ACR: variants seen among roughly 807,000 people sequenced by gnomAD.
ACR encodes acrosin light and heavy chain prepropeptide.
In ACR, 17 loss-of-function variants were observed where a neutral mutation model predicts 26.0. The observed-to-expected ratio is 0.65, with a 90% CI of 0.45 to 0.98. ACR has a LOEUF of 0.98. Among genes scored for constraint, ACR ranks in the 50% least tolerant of loss-of-function variants. The pLI, the probability that ACR is intolerant of heterozygous loss-of-function variation, is 0.00. For missense variants in ACR, 435 were observed against 519.3 expected, an observed-to-expected ratio of 0.84 and a Z score of 1.58; for synonymous variants, 199 against 207.7, an observed-to-expected ratio of 0.96 and a Z score of 0.36.
intron 1 of ACR, 95 bp downstream of exon 1, chr22:50,738,407 A>T: frequency 7.8e-7 from 1 of 1,275,858 alleles, no homozygotes. Flanking sequence ...AGGAGGCTGC[A>T]TCCCTAACCT....
At chr22:50,738,697 A>G (rs1019121978) in intron 1 of ACR, among the ~76,000 whole-genome samples, 1 of 151,084 alleles carries the variant, frequency 6.6e-6, no homozygotes, top group Non-Finnish European at 1.5e-5. Context: ...TCTCACTCCA[A>G]GGTACCCCGA....
At position 50,739,223 on chromosome 22, in the gene ACR, C is replaced by A; in HGVS notation, c.78-48C>A. ...CCCCTCAGTTGTGGAGTTACAAGGA[C>A]AGGCTGTGCTCATGCCAGGTTTGAA... is the stretch of plus-strand genomic sequence containing the variant. On this transcript the variant is annotated intron_variant, in intron 1 of 4. Transcript: ENST00000216139. The surrounding 1 kb of genome is among the most constrained non-coding windows in gnomAD (Gnocchi z 5.5). The A allele has an allele frequency of 6.7e-7, 1 of 1,494,640 alleles. No homozygotes were observed. The allele number at this position is 1,494,640 out of a possible 1,614,324, so 92.6% of individuals were successfully genotyped here.
chr22:50,744,539 A>C, intron 4 of ACR, 114 bp from the exon 5 acceptor site: 1 of 1,425,340 alleles, frequency 7.0e-7, no homozygotes, highest in Middle Eastern at 2.6e-4. Context: ...ACTTGTGTTT[A>C]CAGCAGCAGG....
intron 3 of ACR, among the ~76,000 whole-genome samples, chr22:50,741,514 A>G (rs1302002862): frequency 6.7e-6 from 1 of 149,792 alleles, no homozygotes; most frequent in African/African-American, 2.5e-5. Flanking sequence ...CTATTCTATT[A>G]CTCAGACAGA....
At chr22:50,743,768 TC>T (rs1236215204) in intron 3 of ACR, among the ~76,000 whole-genome samples, 1 of 152,126 alleles carries the variant, frequency 6.6e-6, no homozygotes, top group Non-Finnish European at 1.5e-5. Context: ...GCAACTAACC[TC>T]CATAATCCAT....
At chr22:50,740,608 C>G in intron 3 of ACR, 1 of 702,544 alleles carries the variant, frequency 1.4e-6, no homozygotes, top group Non-Finnish European at 2.6e-6. Context: ...TCATAGGCAT[C>G]CCTGTATTTC....
Position 50,739,604 on chromosome 22 carries a change from C to T in ACR, c.282-90C>T. The T allele has an allele frequency of 1.9e-6, 3 of 1,552,084 alleles. No individual in the cohort carries two copies. In the South Asian group the frequency reaches 3.7e-5, roughly 19 times the overall value. On this transcript the variant is annotated intron_variant, in intron 2 of 4. Transcript: ENST00000216139. This position sits in a 1 kb window ranked among gnomAD's most constrained non-coding sequence, Gnocchi z 5.5. ...TGGCTGCAAGACTCCGGGGGCTGGT[C>T]CAGACCTTTGCTAGGGGAAGGCCCT...
intron 3 of ACR, among the ~76,000 whole-genome samples, chr22:50,743,286 C>T (rs111490810): frequency 3.9e-5 from 6 of 152,130 alleles, no homozygotes; most frequent in African/African-American, 9.7e-5. Context: ...CCGCCCGCCT[C>T]GGCCTCCCAA....
In ACR at chr22:50,739,652, T is replaced by C. The variant is rs1451995903; in HGVS notation, c.282-42T>C. On this transcript the variant is annotated intron_variant, in intron 2 of 4. Coordinates refer to ENST00000216139, the MANE Select transcript of ACR (RefSeq NM_001097.3). The surrounding 1 kb of genome is among the most constrained non-coding windows in gnomAD (Gnocchi z 5.5). ...CCTGAGGGTCGCTGTCACCAGGCTT[T>C]TGTCCAGCCGGTTGTGACCTGGCTT... 3 of 1,540,170 alleles carry C rather than the reference T, an allele frequency of 1.9e-6. No individual in the cohort carries two copies. In the African/African-American group the frequency reaches 4.1e-5, roughly 21 times the overall value.
In ACR at chr22:50,739,352, C is replaced by G. The variant is rs759273323; in HGVS notation, c.159C>G (p.Ala53=). The G allele has an allele frequency of 6.2e-7, 1 of 1,612,982 alleles. No individual in the cohort carries two copies. Among genetic ancestry groups the G allele is most frequent in the Non-Finnish European group, 8.5e-7 (1 of 1,179,560 alleles). Residue 53 remains alanine (A), a synonymous_variant, in exon 2 of 5, where the codon GCC becomes GCG. Coordinates refer to ENST00000216139, the MANE Select transcript of ACR (RefSeq NM_001097.3). The surrounding 1 kb of genome is among the most constrained non-coding windows in gnomAD (Gnocchi z 5.5). The stretch of plus-strand genomic sequence containing the variant: ...GCGGGAAGGCTGCACAGCATGGGGC[C>G]TGGCCCTGGATGGTCAGCCTCCAGA... ...IVGGKAAQHG[A]WPWMVSLQIF...
intron 3 of ACR, chr22:50,740,569 G>A: frequency 1.4e-6 from 1 of 702,300 alleles, no homozygotes; most frequent in Non-Finnish European, 2.6e-6. Context: ...CTGGGAAGGG[G>A]ACCGGTGGTT....
At position 50,739,169 on chromosome 22, in the gene ACR, C is replaced by T. The variant is rs1731089172; in HGVS notation, c.78-102C>T. The stretch of plus-strand genomic sequence containing the variant: ...TTTCCCAGAACCCGGAAGCTCTTCC[C>T]CACTTTTCCCAACCCCATGTCCCTG... On this transcript the variant is annotated intron_variant, in intron 1 of 4. Coordinates refer to ENST00000216139, the MANE Select transcript of ACR (RefSeq NM_001097.3). The surrounding 1 kb of genome is among the most constrained non-coding windows in gnomAD (Gnocchi z 5.5). 9.1e-7 allele frequency: 1 copy of T among 1,099,164 alleles called. No individual in the cohort carries two copies. The highest frequency in any genetic ancestry group is 1.3e-6 in the Non-Finnish European group (1 of 754,150). The allele number at this position is 1,099,164 out of a possible 1,614,324, so 68.1% of individuals were successfully genotyped here.
chr22:50,738,794 GTGTGCC>G (rs2083410469), intron 1 of ACR, among the ~76,000 whole-genome samples: 1 of 151,870 alleles, frequency 6.6e-6, no homozygotes, highest in Admixed American at 6.6e-5. Flanking sequence ...ACTGCTCTCA[GTGTGCC>G]CCCTACACCT....
intron 3 of ACR, among the ~76,000 whole-genome samples, chr22:50,743,287 G>A (rs565161170): frequency 3.3e-5 from 5 of 152,166 alleles, no homozygotes; most frequent in South Asian, 2.1e-4. Flanking sequence ...CGCCCGCCTC[G>A]GCCTCCCAAA....
chr22:50,740,786 G>A (rs2083421829), intron 3 of ACR: 4 of 693,606 alleles, frequency 5.8e-6, no homozygotes, highest in Non-Finnish European at 7.9e-6. Context: ...TTCTAGAAGA[G>A]TAGGGGGAAT....
Position 50,739,456 on chromosome 22 carries a change from A to G in ACR, c.263A>G (p.His88Arg), listed in dbSNP as rs763738146. ...TCACGATGGGTGCTCACTGCTGCTC[A>G]CTGCTTCGTCGGCAAAAAGTACGTG... ...LNSRWVLTAA[H>R]CFVGKNNVHD... is the part of the protein sequence containing the mutation. The change falls in exon 2 of 5, where the codon CAC (histidine) becomes CGC (arginine). Residue 88 changes from histidine (H) to arginine (R), a missense_variant. By Grantham distance (29) the His-to-Arg change is conservative. Transcript: ENST00000216139. The surrounding 1 kb of genome is among the most constrained non-coding windows in gnomAD (Gnocchi z 5.5). 21 of 1,613,906 alleles carry G rather than the reference A, an allele frequency of 1.3e-5. No individual in the cohort carries two copies. Among genetic ancestry groups the G allele is most frequent in the Non-Finnish European group, 1.6e-5 (19 of 1,179,962 alleles).
At chr22:50,740,718 G>T in intron 3 of ACR, 1 of 702,450 alleles carries the variant, frequency 1.4e-6, no homozygotes, top group Non-Finnish European at 2.6e-6. Context: ...CTCTCCCCTG[G>T]CTCCCAGAAG....
intron 3 of ACR, chr22:50,740,711 T>C (rs2083421499): frequency 1.4e-6 from 1 of 702,484 alleles, no homozygotes. Context: ...TGTCTCTCTC[T>C]CCCCTGGCTC....
Position 50,739,189 on chromosome 22 carries a change from T to A in ACR, c.78-82T>A, listed in dbSNP as rs887984033. The stretch of plus-strand genomic sequence containing the variant: ...CTTCCCCACTTTTCCCAACCCCATG[T>A]CCCTGCCTCCCCTCAGTTGTGGAGT... On this transcript the variant is annotated intron_variant, in intron 1 of 4. Coordinates refer to ENST00000216139, the MANE Select transcript of ACR (RefSeq NM_001097.3). The surrounding 1 kb of genome is among the most constrained non-coding windows in gnomAD (Gnocchi z 5.5). 2.3e-6 allele frequency: 3 copies of A among 1,311,160 alleles called. No individual in the cohort carries two copies. The allele number at this position is 1,311,160 out of a possible 1,614,324, so 81.2% of individuals were successfully genotyped here.
Sources: gnomAD v4.1 joint callset for allele counts (sites outside exome capture counted in the v4.1 genomes callset) on GRCh38, gnomAD v4.1.1 for gene constraint, Gnocchi (gnomAD v3.1) non-coding constraint, MANE v1.5 for transcripts, NCBI Gene and HGNC (gene_info 2026-07-23, HGNC 2026-07-21) for gene names.